The following PLK3 variants were observed in gnomAD, a reference collection of about 807,000 sequenced individuals.
PLK3 encodes polo like kinase 3.
Under a neutral mutation model 71.6 loss-of-function variants are expected in PLK3, and 41 were observed. The ratio of observed to expected loss-of-function variants is 0.57; its 90% CI spans 0.45 to 0.74. The LOEUF (loss-of-function observed/expected upper bound fraction) is 0.74, where lower values mean the gene tolerates loss of function less well. Among genes scored for constraint, PLK3 ranks in the 30% least tolerant of loss-of-function variants. The pLI is 0.00. For missense variants in PLK3, 791 were observed against 875.6 expected, an observed-to-expected ratio of 0.90 and a Z score of 1.22; for synonymous variants, 366 against 355.4, an observed-to-expected ratio of 1.03 and a Z score of -0.33.
In PLK3 at chr1:44,800,523, C is replaced by A. The variant is rs1651791001; in HGVS notation, c.60C>A (p.Pro20=). 1.4e-6 allele frequency: 2 copies of A among 1,456,094 alleles called. No homozygotes were observed. The highest frequency in any genetic ancestry group is 1.3e-5 in the South Asian group (1 of 75,322). The allele number at this position is 1,456,094 out of a possible 1,614,324, so 90.2% of individuals were successfully genotyped here. Residue 20 remains proline, a synonymous_variant, in exon 1 of 15, where the codon CCC becomes CCA. Transcript: ENST00000372201. This position sits in a 1 kb window ranked among gnomAD's most constrained non-coding sequence, Gnocchi z 6.5. ...PRPFQRAAAA[P]APPAGPGPPP... is the part of the protein sequence containing the mutation. ...CCTTCCAGCGTGCGGCCGCCGCGCCCGCTCCCCCGGCCGGGCCCGGGCCGC... is the reference window on the plus strand; with the variant it reads ...CCTTCCAGCGTGCGGCCGCCGCGCCAGCTCCCCCGGCCGGGCCCGGGCCGC...
chr1:44,800,692 G>A lies in PLK3; in HGVS notation c.210+19G>A. 6.4e-7 allele frequency: 1 copy of A among 1,550,566 alleles called. No homozygotes were observed. Among genetic ancestry groups the A allele is most frequent in the Non-Finnish European group, 8.7e-7 (1 of 1,152,368 alleles). On this transcript the variant is annotated intron_variant, in intron 1 of 14. Transcript: ENST00000372201. The surrounding 1 kb of genome is among the most constrained non-coding windows in gnomAD (Gnocchi z 6.5). ...GGGCAAGGTGGGCCGAGGGACGTCC[G>A]CGGGGTGGTGATGGTGGAGGTGGGG...
In PLK3 at chr1:44,805,287, G is replaced by A; in HGVS notation, c.1657G>A (p.Glu553Lys). The change falls in exon 14 of 15, where the codon GAA becomes AAA. Residue 553 changes from glutamate (E) to lysine (K), a missense_variant. Coordinates refer to ENST00000372201, the MANE Select transcript of PLK3 (RefSeq NM_004073.4). ...CCAGGGTGGAGATCTGCCCAGTGTG[G>A]AAGAGGTAGAGGTACCTGCTCCGCC... Reference protein sequence around the residue: ...LMKGGDLPSVEEVEVPAPPLL... With the variant: ...LMKGGDLPSVKEVEVPAPPLL... The A allele has an allele frequency of 6.2e-7, 1 of 1,613,484 alleles. No homozygotes were observed. The highest frequency in any genetic ancestry group is 8.5e-7 in the Non-Finnish European group (1 of 1,179,538).
In PLK3 at chr1:44,805,476, T is replaced by C; in HGVS notation, c.1750-11T>C. 6.2e-7 allele frequency: 1 copy of C among 1,613,902 alleles called. No individual in the cohort carries two copies. The highest frequency in any genetic ancestry group is 1.7e-4 in the Middle Eastern group (1 of 6,060). On this transcript the variant is annotated splice_polypyrimidine_tract_variant and intron_variant, in intron 14 of 14. Transcript: ENST00000372201. ...GCCTAGGTCCTGACCACTGTCATGC[T>C]CTGTGTGCAGGTGAACTTCTACGGG...
chr1:44,804,651 ACT>A lies in PLK3; in HGVS notation c.1508_1509del (p.Thr503SerfsTer75). Reference sequence around the variant, plus strand: ...CTGACCTCTGCCTCCCCATTCTAGGACTGTGCACTACAATCCCACCAGCACAA... The same window carrying A: ...CTGACCTCTGCCTCCCCATTCTAGGAGTGCACTACAATCCCACCAGCACAA... ...THMALSANRK[T>X]VHYNPTSTKH... On this transcript the variant is annotated frameshift_variant and splice_region_variant, in exon 13 of 15. Coordinates refer to ENST00000372201, the MANE Select transcript of PLK3 (RefSeq NM_004073.4). LOFTEE classifies it high-confidence loss of function. 1 of 1,613,650 alleles carries A rather than the reference ACT, an allele frequency of 6.2e-7. No homozygotes were observed. The highest frequency in any genetic ancestry group is 8.5e-7 in the Non-Finnish European group (1 of 1,179,766).
chr1:44,805,136 C>A, intron 13 of PLK3, 130 bp from the exon 14 acceptor site: 1 of 661,270 alleles, frequency 1.5e-6, no homozygotes. Context: ...AGAAAACTAA[C>A]CCATCCTGAT....
rs1343535864 is a variant in PLK3, at chr1:44,803,557, G to A, written c.1073-43G>A. On this transcript the variant is annotated intron_variant, in intron 8 of 14. Coordinates refer to ENST00000372201, the MANE Select transcript of PLK3 (RefSeq NM_004073.4). This position sits in a 1 kb window ranked among gnomAD's most constrained non-coding sequence, Gnocchi z 4.3. Reference sequence around the variant, plus strand: ...GTGTCATCCCTGTCGGAAGTGGAGGGGCTGGGCAGGATACTGAGGACGGTA... The same window carrying A: ...GTGTCATCCCTGTCGGAAGTGGAGGAGCTGGGCAGGATACTGAGGACGGTA... 5 of 1,589,530 alleles carry A rather than the reference G, an allele frequency of 3.1e-6. No individual in the cohort carries two copies. In the South Asian group the frequency reaches 3.3e-5, roughly 11 times the overall value.
rs1651873298 is a variant in PLK3, at chr1:44,802,771, G to T, written c.665G>T (p.Gly222Val). 2 of 1,612,754 alleles carry T rather than the reference G, an allele frequency of 1.2e-6. No individual in the cohort carries two copies. The highest frequency in any genetic ancestry group is 2.2e-5 in the East Asian group (1 of 44,890). ...CCACCCTCTTTCAGGACCATCTGTGGCACCCCCAACTATGTGGCTCCAGAA... is the reference window on the plus strand; with the variant it reads ...CCACCCTCTTTCAGGACCATCTGTGTCACCCCCAACTATGTGGCTCCAGAA... The part of the protein sequence containing the change: ...PPEQRKKTIC[G>V]TPNYVAPEVL... Residue 222 changes from glycine to valine, a missense_variant, in exon 6 of 15, where the codon GGC becomes GTC. Coordinates refer to ENST00000372201, the MANE Select transcript of PLK3 (RefSeq NM_004073.4).
intron 13 of PLK3, 131 bp downstream of exon 13, chr1:44,804,910 C>T: frequency 1.2e-6 from 1 of 827,080 alleles, no homozygotes; most frequent in Admixed American, 2.4e-5. Context: ...TCGAGACCAT[C>T]CTGGCTAACA....
At position 44,804,341 on chromosome 1, in the gene PLK3, G is replaced by A; in HGVS notation, c.1345G>A (p.Glu449Lys). The A allele has an allele frequency of 6.2e-7, 1 of 1,614,094 alleles. No individual in the cohort carries two copies. Among genetic ancestry groups the A allele is most frequent in the East Asian group, 2.2e-5 (1 of 44,872 alleles). The change falls in exon 12 of 15, where the codon GAA (glutamate) becomes AAA (lysine). Residue 449 changes from glutamate to lysine, a missense_variant and splice_region_variant. Glu to Lys is a moderately conservative substitution (Grantham distance 56). Transcript: ENST00000372201. Reference protein sequence around the residue: ...RNCIAFMPPAEQNPAPLAQPE... With the variant: ...RNCIAFMPPAKQNPAPLAQPE... The stretch of plus-strand genomic sequence containing the variant: ...GACTCCCTCCTCTCCCATGACAGCG[G>A]AACAGAACCCGGCCCCCCTGGCCCA...
chr1:44,805,975 A>G lies in PLK3; in HGVS notation c.*297A>G. 1.3e-6 allele frequency: 2 copies of G among 1,520,228 alleles called. No individual in the cohort carries two copies. Among genetic ancestry groups the G allele is most frequent in the Non-Finnish European group, 1.8e-6 (2 of 1,133,064 alleles). 94.2% of individuals were successfully genotyped at this position (1,520,228 alleles called of 1,614,324 possible). A position where few individuals can be genotyped will look rare whatever the true frequency, so the allele number is the denominator to read the frequency against. On this transcript the variant is annotated 3_prime_UTR_variant, in exon 15 of 15. Coordinates refer to ENST00000372201, the MANE Select transcript of PLK3 (RefSeq NM_004073.4). ...CAGGGGGGCCTCCTCCTAGGATAATAAACAATTTTGCAGAATTGGACTCCC... is the reference window on the plus strand; with the variant it reads ...CAGGGGGGCCTCCTCCTAGGATAATGAACAATTTTGCAGAATTGGACTCCC...
chr1:44,804,812 C>G, intron 13 of PLK3, 33 bp downstream of exon 13: 1 of 1,608,130 alleles, frequency 6.2e-7, no homozygotes, highest in Non-Finnish European at 8.5e-7. Flanking sequence ...ACATTGAAAC[C>G]TAACCCATCC....
Position 44,805,695 on chromosome 1 carries a change from C to G in PLK3, c.*17C>G, listed in dbSNP as rs764774727. 5 of 1,607,080 alleles carry G rather than the reference C, an allele frequency of 3.1e-6. No individual in the cohort carries two copies. The highest frequency in any genetic ancestry group is 3.4e-6 in the Non-Finnish European group (4 of 1,178,328). Reference sequence around the variant, plus strand: ...CCAGCCTAGGACCCAAGCCCTGAGGCCTGAGGCCTGTGCCTGTCAGGCTCT... The same window carrying G: ...CCAGCCTAGGACCCAAGCCCTGAGGGCTGAGGCCTGTGCCTGTCAGGCTCT... On this transcript the variant is annotated 3_prime_UTR_variant, in exon 15 of 15. Transcript: ENST00000372201.
In PLK3 at chr1:44,801,126, A is replaced by G; in HGVS notation, c.409A>G (p.Ile137Val). 2 of 1,607,420 alleles carry G rather than the reference A, an allele frequency of 1.2e-6. No individual in the cohort carries two copies. Among genetic ancestry groups the G allele is most frequent in the Non-Finnish European group, 1.7e-6 (2 of 1,177,538 alleles). ...HHFEDADNIY[I>V]FLELCSRKSL... ...CTTTGAGGACGCTGACAACATCTAC[A>G]TTTTCTTGGAGCTCTGCAGCCGAAA... Residue 137 changes from isoleucine (I) to valine (V), a missense_variant, in exon 3 of 15, where the codon ATT (isoleucine) becomes GTT (valine). Physicochemically the swap from Ile to Val is conservative, Grantham distance 29. Coordinates refer to ENST00000372201, the MANE Select transcript of PLK3 (RefSeq NM_004073.4).
At position 44,804,688 on chromosome 1, in the gene PLK3, C is replaced by T; in HGVS notation, c.1544C>T (p.Ser515Phe). 1 of 1,614,112 alleles carries T rather than the reference C, an allele frequency of 6.2e-7. No individual in the cohort carries two copies. Among genetic ancestry groups the T allele is most frequent in the Non-Finnish European group, 8.5e-7 (1 of 1,179,950 alleles). Residue 515 changes from serine to phenylalanine, a missense_variant, in exon 13 of 15, where the codon TCC (serine) becomes TTC (phenylalanine). By Grantham distance (155) the Ser-to-Phe change is radical. Transcript: ENST00000372201. The part of the protein sequence containing the change: ...HYNPTSTKHF[S>F]FSVGAVPRAL... Reference sequence around the variant, plus strand: ...AATCCCACCAGCACAAAGCACTTCTCCTTCTCCGTGGGTGCTGTGCCCCGG... The same window carrying T: ...AATCCCACCAGCACAAAGCACTTCTTCTTCTCCGTGGGTGCTGTGCCCCGG...
At position 44,801,683 on chromosome 1, in the gene PLK3, T is replaced by C; in HGVS notation, c.497T>C (p.Leu166Pro). ...TLLEPEVRYY[L>P]RQILSGLKYL... The stretch of plus-strand genomic sequence containing the variant: ...TTGGAGCCAGAAGTGCGCTACTACC[T>C]GCGGCAGATCCTTTCTGGCCTCAAG... Residue 166 changes from leucine (L) to proline (P), a missense_variant, in exon 4 of 15, where the codon CTG becomes CCG. Leu to Pro is a moderately conservative substitution (Grantham distance 98). Transcript: ENST00000372201. 6.2e-7 allele frequency: 1 copy of C among 1,610,562 alleles called. No homozygotes were observed. The highest frequency in any genetic ancestry group is 8.5e-7 in the Non-Finnish European group (1 of 1,178,336).
chr1:44,803,161 G>C lies in PLK3; in HGVS notation c.948+8G>C, dbSNP rs985788050. ...CATGACTTCTTTACCAAGGTCTGTG[G>C]CTCCCCAGACCTCTAAGTCCATCTG... On this transcript the variant is annotated splice_region_variant and intron_variant, in intron 7 of 14. Coordinates refer to ENST00000372201, the MANE Select transcript of PLK3 (RefSeq NM_004073.4). This position sits in a 1 kb window ranked among gnomAD's most constrained non-coding sequence, Gnocchi z 4.3. The C allele has an allele frequency of 1.9e-6, 3 of 1,613,662 alleles. No homozygotes were observed. The highest frequency in any genetic ancestry group is 3.3e-5 in the Admixed American group (2 of 59,962).
Position 44,805,870 on chromosome 1 carries a change from C to T in PLK3, c.*192C>T, listed in dbSNP as rs1039938421. 7.1e-7 allele frequency: 1 copy of T among 1,413,044 alleles called. No homozygotes were observed. The highest frequency in any genetic ancestry group is 1.5e-5 in the African/African-American group (1 of 68,932). The allele number at this position is 1,413,044 out of a possible 1,614,324, so 87.5% of individuals were successfully genotyped here. A position where few individuals can be genotyped will look rare whatever the true frequency, so the allele number is the denominator to read the frequency against. ...ACCCCATCTCCAAGATAAGCCTGAG[C>T]CTTAGCTCCCAGCTAGGGGGCGTTA... On this transcript the variant is annotated 3_prime_UTR_variant, in exon 15 of 15. Transcript: ENST00000372201.
Position 44,803,587 on chromosome 1 carries a change from C to T in PLK3, c.1073-13C>T, listed in dbSNP as rs754611294. ...GGCAGGATACTGAGGACGGTATCAC[C>T]TTTCACCCCCAGGTAAGAATCATGC... On this transcript the variant is annotated splice_polypyrimidine_tract_variant and intron_variant, in intron 8 of 14. Coordinates refer to ENST00000372201, the MANE Select transcript of PLK3 (RefSeq NM_004073.4). The surrounding 1 kb of genome is among the most constrained non-coding windows in gnomAD (Gnocchi z 4.3). The T allele has an allele frequency of 1.2e-5, 20 of 1,611,584 alleles. No individual in the cohort carries two copies. The highest frequency in any genetic ancestry group is 5.0e-5 in the Admixed American group (3 of 59,968).
At chr1:44,804,841 C>G (rs1200879486) in intron 13 of PLK3, 62 bp downstream of exon 13, 1 of 1,555,630 alleles carries the variant, frequency 6.4e-7, no homozygotes, top group Non-Finnish European at 8.8e-7. Context: ...TGCGGTGGCT[C>G]ACGCCTGTAA....
Sources: gnomAD v4.1 joint callset for allele counts on GRCh38, gnomAD v4.1.1 for gene constraint, Gnocchi (gnomAD v3.1) non-coding constraint, MANE v1.5 for transcripts, NCBI Gene and HGNC (gene_info 2026-07-23, HGNC 2026-07-21) for gene names.